Variants in TRAK1 observed in about 807,000 individuals in gnomAD.
TRAK1 encodes the protein trafficking kinesin protein 1, also known as trafficking kinesin-binding protein 1.
TRAK1 carries 33 observed loss-of-function variants against 92.1 expected under a neutral mutation model. That is an observed-to-expected ratio of 0.36 (90% CI 0.27 to 0.48). The LOEUF is 0.48. Among genes scored for constraint, TRAK1 ranks in the 20% least tolerant of loss-of-function variants. The pLI, the probability that TRAK1 is intolerant of heterozygous loss-of-function variation, is 0.99. For synonymous variants in TRAK1, 521 were observed against 517.3 expected (o/e 1.01, Z -0.10); for missense variants, 1,123 against 1,257.9 (o/e 0.89, Z 1.62).
chr3:42,030,348 C>T (rs1184063298), intron 1 of TRAK1, among the ~76,000 whole-genome samples: 2 of 132,166 alleles, frequency 1.5e-5, no homozygotes, highest in East Asian at 2.3e-4. Flanking sequence ...TGAGACAAAG[C>T]GAGACCCTGT....
intron 2 of TRAK1, among the ~76,000 whole-genome samples, chr3:42,173,587 C>T (rs558904077): frequency 5.3e-4 from 81 of 152,310 alleles, no homozygotes; most frequent in Admixed American, 2.9e-3. Context: ...GCTGCTCGCT[C>T]TGTTTACACA....
chr3:42,164,138 T>C (rs941412144), intron 2 of TRAK1, among the ~76,000 whole-genome samples: 1 of 152,190 alleles, frequency 6.6e-6, no homozygotes, highest in Non-Finnish European at 1.5e-5. Flanking sequence ...ACCACCTTTG[T>C]CCTGAGTTCA....
chr3:42,156,528 A>G (rs560902871), intron 2 of TRAK1, among the ~76,000 whole-genome samples: 8 of 152,248 alleles, frequency 5.3e-5, no homozygotes, highest in Non-Finnish European at 1.2e-4. Context: ...ATTATGACTT[A>G]TAGAATAAAG....
intron 1 of TRAK1, among the ~76,000 whole-genome samples, chr3:42,063,097 C>T (rs1703516619): frequency 6.6e-6 from 1 of 152,204 alleles, no homozygotes. Flanking sequence ...TTCTCACAGA[C>T]CATGGGTCAA....
chr3:42,104,922 C>G (rs989291560), intron 1 of TRAK1, among the ~76,000 whole-genome samples: 3 of 150,814 alleles, frequency 2.0e-5, no homozygotes, highest in African/African-American at 7.3e-5. Context: ...GGAGGATGTT[C>G]AAACCCATTG....
chr3:42,202,476 C>A lies in TRAK1; in HGVS notation c.1468C>A (p.Pro490Thr). ...RSKKPGTPGT[P>T]GSHDLETALR... is the part of the protein sequence containing the mutation. ...TAAGAAGCCGGGGACGCCGGGCACCCCAGGCTCCCACGACCTGGAGACGGC... is the reference window on the plus strand; with the variant it reads ...TAAGAAGCCGGGGACGCCGGGCACCACAGGCTCCCACGACCTGGAGACGGC... The change falls in exon 13 of 16, where the codon CCA (proline) becomes ACA (threonine). Residue 490 changes from proline (P) to threonine (T), a missense_variant. This residue lies in a region of TRAK1 where 686 missense variants were observed against 747.6 expected (regional missense o/e 0.92). Coordinates refer to ENST00000327628, the MANE Select transcript of TRAK1 (RefSeq NM_001042646.3). This position sits in a 1 kb window ranked among gnomAD's most constrained non-coding sequence, Gnocchi z 6.1. The A allele has an allele frequency of 2.7e-6, 4 of 1,498,846 alleles. No individual in the cohort carries two copies. The highest frequency in any genetic ancestry group is 3.6e-6 in the Non-Finnish European group (4 of 1,121,080). 92.8% of individuals were successfully genotyped at this position (1,498,846 alleles called of 1,614,324 possible).
intron 1 of TRAK1, among the ~76,000 whole-genome samples, chr3:42,102,041 A>G (rs989903285): frequency 2.6e-5 from 4 of 152,218 alleles, no homozygotes; most frequent in African/African-American, 9.6e-5. Context: ...GCTGGAGTGT[A>G]GTGATGCCAT....
At chr3:42,067,115 T>G (rs1703714185) in intron 1 of TRAK1, among the ~76,000 whole-genome samples, 1 of 152,252 alleles carries the variant, frequency 6.6e-6, no homozygotes, top group Non-Finnish European at 1.5e-5. Context: ...AGAGAATTTC[T>G]TCTTTGTACT....
chr3:42,075,484 A>G (rs764427011), intron 1 of TRAK1, among the ~76,000 whole-genome samples: 13 of 152,000 alleles, frequency 8.6e-5, no homozygotes, highest in East Asian at 1.9e-4. Flanking sequence ...AATGATTTCT[A>G]TTCCTTTGGG....
At chr3:42,083,795 G>A (rs946319974), upstream of TRAK1, among the ~76,000 whole-genome samples, 3 of 152,010 alleles carry the variant, frequency 2.0e-5, no homozygotes, top group East Asian at 1.9e-4. Context: ...ACCTGAGCCC[G>A]GGAGGTCAAG....
chr3:42,086,672 G>A (rs562404656), upstream of TRAK1, among the ~76,000 whole-genome samples: 9 of 152,126 alleles, frequency 5.9e-5, no homozygotes, highest in South Asian at 1.9e-3. Flanking sequence ...CTTAAGGTAG[G>A]GGCATACCTT....
intron 6 of TRAK1, among the ~76,000 whole-genome samples, chr3:42,190,570 A>G (rs149046043): frequency 7.0e-4 from 106 of 152,134 alleles, no homozygotes; most frequent in Non-Finnish European, 1.1e-3. Context: ...CCCCAGGTAA[A>G]TGCTCCAGCC....
At chr3:42,121,834 T>TA (rs199871613) in intron 1 of TRAK1, among the ~76,000 whole-genome samples, 1 of 151,940 alleles carries the variant, frequency 6.6e-6, no homozygotes, top group Non-Finnish European at 1.5e-5. Flanking sequence ...GTTTTTTTTT[T>TA]AAAAACAGAG....
At chr3:42,192,500 C>CAAG (rs1297813811) in intron 7 of TRAK1, among the ~76,000 whole-genome samples, 1 of 38,608 alleles carries the variant, frequency 2.6e-5, no homozygotes, top group South Asian at 6.1e-4. Flanking sequence ...CGTCAAAGTA[C>CAAG]TATTTTGCAT....
intron 1 of TRAK1, among the ~76,000 whole-genome samples, chr3:42,068,775 T>C (rs181016838): frequency 6.6e-6 from 1 of 152,378 alleles, no homozygotes; most frequent in Non-Finnish European, 1.5e-5. Flanking sequence ...CAGTCATTTA[T>C]TGAACATTAA....
intron 1 of TRAK1, among the ~76,000 whole-genome samples, chr3:42,039,731 A>G (rs778168563): frequency 3.5e-4 from 53 of 152,248 alleles, no homozygotes; most frequent in Non-Finnish European, 7.2e-4. Context: ...GTGTGGATGT[A>G]TAACATGTTT....
intron 2 of TRAK1, chr3:42,145,921 G>A (rs530469456): frequency 8.1e-6 from 2 of 245,814 alleles, no homozygotes; most frequent in South Asian, 1.0e-4. Context: ...ATGGCAGCCA[G>A]TGCTCCTCTA....
chr3:42,114,265 G>C (rs1043799473), intron 1 of TRAK1, among the ~76,000 whole-genome samples: 1 of 152,158 alleles, frequency 6.6e-6, no homozygotes, highest in East Asian at 1.9e-4. Flanking sequence ...GTGCTACTAA[G>C]AACACGGGTG....
Position 42,189,129 on chromosome 3 carries a change from T to C in TRAK1, c.690+5T>C. ...AATGTTGTACTTCGATCCGAGGTGA[T>C]GTGCCCTCCCTTCTCTTGCCCCTGC... is the stretch of plus-strand genomic sequence containing the variant. On this transcript the variant is annotated splice_donor_5th_base_variant and intron_variant, in intron 6 of 15. Coordinates refer to ENST00000327628, the MANE Select transcript of TRAK1 (RefSeq NM_001042646.3). The C allele has an allele frequency of 6.2e-7, 1 of 1,606,262 alleles. No homozygotes were observed. The highest frequency in any genetic ancestry group is 8.5e-7 in the Non-Finnish European group (1 of 1,172,776).
Sources: allele counts gnomAD v4.1 joint callset (sites outside exome capture counted in the v4.1 genomes callset), GRCh38; gene constraint gnomAD v4.1.1; regional missense constraint gnomAD v4.1.1; non-coding constraint Gnocchi (gnomAD v3.1); transcripts MANE v1.5; gene names NCBI Gene and HGNC (gene_info 2026-07-23, HGNC 2026-07-21).